FRMPD4: variants seen among roughly 807,000 people sequenced by gnomAD.
FRMPD4 encodes the protein FERM and PDZ domain containing 4.
FRMPD4 carries 22 observed loss-of-function variants against 94.1 expected under a neutral mutation model. The ratio of observed to expected loss-of-function variants is 0.23; its 90% CI spans 0.17 to 0.33. The LOEUF (loss-of-function observed/expected upper bound fraction) is 0.33, where lower values mean the gene tolerates loss of function less well. Ranked by LOEUF, FRMPD4 falls within the 10% of genes least tolerant of loss-of-function variation. FRMPD4 has a pLI of 1.00. For missense variants in FRMPD4, 1,111 were observed against 1,339.9 expected (o/e 0.83, Z 2.67); for synonymous variants, 631 against 548.6 (o/e 1.15, Z -2.10).
At chrX:12,619,937 G>A (rs1431552760) in intron 4 of FRMPD4, among the ~76,000 whole-genome samples, 1 of 112,462 alleles carries the variant, frequency 8.9e-6, no homozygotes, top group African/African-American at 3.2e-5. Flanking sequence ...GCCCACCCAG[G>A]GACACCCTGT....
chrX:12,054,709 G>A (rs188420638), intron 3 of FRMPD4: 1 of 111,858 alleles, frequency 8.9e-6, no homozygotes, highest in East Asian at 2.8e-4. Flanking sequence ...CTGGCAAGAT[G>A]AACATAAAAT....
chrX:12,413,397 G>C (rs748973457), intron 1 of FRMPD4, among the ~76,000 whole-genome samples: 19 of 111,834 alleles, frequency 1.7e-4, no homozygotes, highest in African/African-American at 6.2e-4. Flanking sequence ...CTTTGTATTG[G>C]GGTCTCCTTC....
intron 1 of FRMPD4, among the ~76,000 whole-genome samples, chrX:12,239,151 T>A (rs1016612775): frequency 8.9e-6 from 1 of 112,399 alleles, no homozygotes; most frequent in Non-Finnish European, 1.9e-5. Context: ...TGTTCTCAGG[T>A]ATCCATCATT....
chrX:12,234,034 C>T (rs1298575194), intron 1 of FRMPD4, among the ~76,000 whole-genome samples: 13 of 110,253 alleles, frequency 1.2e-4, no homozygotes, highest in Non-Finnish European at 1.7e-4. Context: ...CTGCTGCACA[C>T]GAAGTGCTTT....
At chrX:12,648,213 C>G (rs1418060336) in intron 4 of FRMPD4, among the ~76,000 whole-genome samples, 4 of 111,645 alleles carry the variant, frequency 3.6e-5, no homozygotes, top group Non-Finnish European at 7.5e-5. Flanking sequence ...TTTCCCAACT[C>G]TTTCCAGTCT....
In FRMPD4 at chrX:12,411,719, G is replaced by A. The variant is rs185539918; in HGVS notation, c.42-86961G>A. Among the ~76,000 whole-genome samples, 584 of 111,851 alleles carry A rather than the reference G, an allele frequency of 5.2e-3. 4 individuals are homozygous for A. Among genetic ancestry groups the A allele is most frequent in the Middle Eastern group, 9.2e-3 (2 of 217 alleles). ...AATATGGTGGCTCCATAGTCCATCC[G>A]AGACCTGAGCTATTTCTGCCCTCTG... On this transcript the variant is annotated intron_variant, in intron 1 of 16. Coordinates refer to ENST00000675598, the MANE Select transcript of FRMPD4 (RefSeq NM_001368397.1).
intron 2 of FRMPD4, among the ~76,000 whole-genome samples, chrX:12,555,806 C>A (rs2058589567): frequency 8.9e-6 from 1 of 112,300 alleles, no homozygotes; most frequent in South Asian, 3.7e-4. Context: ...TCTAATGTAT[C>A]ATTTTAACTA....
intron 3 of FRMPD4, among the ~76,000 whole-genome samples, chrX:12,047,446 CA>C (rs1346149187): frequency 8.1e-5 from 9 of 110,935 alleles, no homozygotes; most frequent in African/African-American, 2.6e-4. Flanking sequence ...ACAAGAAATC[CA>C]AAAAAATTAA....
In FRMPD4 at chrX:12,523,917, A is replaced by G. The variant is rs138546200; in HGVS notation, c.158+25121A>G. On this transcript the variant is annotated intron_variant, in intron 2 of 16. Coordinates refer to ENST00000675598, the MANE Select transcript of FRMPD4 (RefSeq NM_001368397.1). ...TGCCTGTAATCTCAGCACTTTGGGA[A>G]GTCAAGGTAGGAGGATCTCTTGAGG... Among the ~76,000 whole-genome samples, 108 of 111,053 alleles carry G rather than the reference A, an allele frequency of 9.7e-4. 1 individual carries two copies. The East Asian group carries it at 0.028, about 28-fold the overall frequency.
intron 1 of FRMPD4, among the ~76,000 whole-genome samples, chrX:12,315,779 G>A (rs1017281303): frequency 2.7e-5 from 3 of 111,868 alleles, no homozygotes; most frequent in Non-Finnish European, 5.6e-5. Context: ...TGCCTGTGGA[G>A]GACCTAAATC....
chrX:12,388,599 T>G (rs2056429175), intron 1 of FRMPD4, among the ~76,000 whole-genome samples: 1 of 91,328 alleles, frequency 1.1e-5, no homozygotes, highest in African/African-American at 4.1e-5. Flanking sequence ...TGAGACTCCA[T>G]CTCAAAAAAT....
intron 1 of FRMPD4, among the ~76,000 whole-genome samples, chrX:12,386,876 G>C (rs761466004): frequency 9.0e-6 from 1 of 111,661 alleles, no homozygotes; most frequent in South Asian, 3.8e-4. Context: ...GCTAGGCAGA[G>C]AGGCTGACCC....
In FRMPD4 at chrX:12,627,974, C is replaced by CA. The variant is rs1017983676; in HGVS notation, c.422+13102dup. Among the ~76,000 whole-genome samples the CA allele has an allele frequency of 1.9e-4, 21 of 109,214 alleles. No individual in the cohort carries two copies. The South Asian group carries it at 5.4e-3, about 28-fold the overall frequency. 94.8% of individuals were successfully genotyped at this position (109,214 alleles called of 115,157 possible). On this transcript the variant is annotated intron_variant, in intron 4 of 16. Coordinates refer to ENST00000675598, the MANE Select transcript of FRMPD4 (RefSeq NM_001368397.1). ...CCTTTTCTATAAGTAGATGAAAAGA[C>CA]AAAAAAAAATCATTTTGGTGAGGCT... is the stretch of plus-strand genomic sequence containing the variant.
intron 1 of FRMPD4, among the ~76,000 whole-genome samples, chrX:12,272,834 C>T (rs776381186): frequency 5.4e-5 from 6 of 111,496 alleles, no homozygotes; most frequent in Non-Finnish European, 9.4e-5. Context: ...CTTTGGAGGG[C>T]GAGGTGGTCA....
intron 3 of FRMPD4, among the ~76,000 whole-genome samples, chrX:11,914,761 T>C (rs370851111): frequency 8.9e-6 from 1 of 112,186 alleles, no homozygotes; most frequent in East Asian, 2.8e-4. Flanking sequence ...TGGCTAAACA[T>C]ATGGGAAAAA....
At chrX:11,854,756 G>C (rs755493567) in intron 1 of FRMPD4, among the ~76,000 whole-genome samples, 25 of 112,600 alleles carry the variant, frequency 2.2e-4, no homozygotes, top group Non-Finnish European at 4.5e-4. Context: ...GGCTTTGCAG[G>C]GTACAGCTCC....
At chrX:12,699,491 G>A (rs5979711) in intron 9 of FRMPD4, among the ~76,000 whole-genome samples, 10,412 of 112,475 alleles carry the variant, frequency 0.093, 1,262 homozygotes, top group African/African-American at 0.32. Context: ...GATACAGAGC[G>A]TGCACGCACG....
intron 1 of FRMPD4, among the ~76,000 whole-genome samples, chrX:12,399,985 T>A (rs2056590635): frequency 8.9e-6 from 1 of 112,127 alleles, no homozygotes; most frequent in South Asian, 3.7e-4. Context: ...AGCAATCTTG[T>A]CCCACATCAG....
chrX:12,669,646 G>T (rs1456271852), intron 4 of FRMPD4, among the ~76,000 whole-genome samples: 1 of 111,800 alleles, frequency 8.9e-6, no homozygotes, highest in African/African-American at 3.3e-5. Flanking sequence ...GAGATGAGAT[G>T]ATTATCTTTG....
Sources: allele counts gnomAD v4.1 joint callset (sites outside exome capture counted in the v4.1 genomes callset), GRCh38; gene constraint gnomAD v4.1.1; transcripts MANE v1.5; gene names NCBI Gene and HGNC (gene_info 2026-07-23, HGNC 2026-07-21).